The following COLEC10 variants were observed in gnomAD, a reference collection of about 807,000 sequenced individuals.
COLEC10 encodes collectin-10.
A neutral mutation model predicts 28.4 loss-of-function variants in COLEC10; 22 were observed. That is an observed-to-expected ratio of 0.78 (90% CI 0.55 to 1.11). COLEC10 has a LOEUF of 1.11. Ranked by LOEUF, COLEC10 falls within the 50% of genes least tolerant of loss-of-function variation. The probability of loss-of-function intolerance (pLI) is 0.00; values close to 1 mark genes in which losing one functional copy is unlikely to be tolerated. For missense variants in COLEC10, 361 were observed against 344.1 expected (o/e 1.05, Z -0.39); for synonymous variants, 125 against 116.1 (o/e 1.08, Z -0.49).
Position 119,091,140 on chromosome 8 carries a change from G to T in COLEC10, c.221-9G>T. ...CTTATGATAAAAAGATAACATGTTT[G>T]CTTTTCAGGAATTAAAGGAGAACTG... On this transcript the variant is annotated splice_polypyrimidine_tract_variant and intron_variant, in intron 2 of 5. Coordinates refer to ENST00000332843, the MANE Select transcript of COLEC10 (RefSeq NM_006438.5). 6.2e-7 allele frequency: 1 copy of T among 1,608,634 alleles called. No individual in the cohort carries two copies. The highest frequency in any genetic ancestry group is 8.5e-7 in the Non-Finnish European group (1 of 1,175,458).
the COLEC10 span, among the ~76,000 whole-genome samples, chr8:118,970,681 G>T: frequency 6.7e-6 from 1 of 150,078 alleles, no homozygotes; most frequent in African/African-American, 2.5e-5. Context: ...TTGTATCTCT[G>T]GGAGATCATT....
At chr8:119,055,524 A>G (rs970293661) in intron 2 of COLEC10, among the ~76,000 whole-genome samples, 4 of 152,034 alleles carry the variant, frequency 2.6e-5, no homozygotes, top group African/African-American at 9.7e-5. Flanking sequence ...CAGGAGCAAA[A>G]TTTGTGATGG....
At chr8:119,068,131 G>A (rs1440602437) in intron 1 of COLEC10, 2 of 152,274 alleles carry the variant, frequency 1.3e-5, no homozygotes, top group East Asian at 3.9e-4. Context: ...TCTGAAAGTG[G>A]TCACTGCACT....
intron 2 of COLEC10, among the ~76,000 whole-genome samples, chr8:119,027,388 A>C (rs1266616255): frequency 6.6e-6 from 1 of 152,130 alleles, no homozygotes; most frequent in Non-Finnish European, 1.5e-5. Context: ...ATATTTCCCT[A>C]GTTCAGATCC....
At chr8:118,963,379 A>G in the COLEC10 span, among the ~76,000 whole-genome samples, 7 of 152,164 alleles carry the variant, frequency 4.6e-5, no homozygotes, top group Admixed American at 3.3e-4. Context: ...TTGGTTCTTG[A>G]TTAATATTTC....
intron 2 of COLEC10, among the ~76,000 whole-genome samples, chr8:119,024,145 G>A (rs1462521278): frequency 1.3e-5 from 2 of 152,094 alleles, no homozygotes; most frequent in East Asian, 3.9e-4. Flanking sequence ...TGGTTGGGTA[G>A]GAGGTGGCAG....
intron 2 of COLEC10, among the ~76,000 whole-genome samples, chr8:119,057,738 CATT>C (rs1339033859): frequency 6.6e-6 from 1 of 152,044 alleles, no homozygotes; most frequent in Non-Finnish European, 1.5e-5. Flanking sequence ...AAATTCCCAT[CATT>C]ATATGCCTAT....
chr8:119,004,820 C>T (rs963158485), intron 1 of COLEC10, among the ~76,000 whole-genome samples: 1 of 151,780 alleles, frequency 6.6e-6, no homozygotes, highest in South Asian at 2.1e-4. Context: ...CAAACCCAGG[C>T]CATTGACTCT....
upstream of COLEC10, among the ~76,000 whole-genome samples, chr8:118,990,984 A>T (rs994491769): frequency 6.6e-6 from 1 of 152,060 alleles, no homozygotes; most frequent in Admixed American, 6.6e-5. Context: ...AAAAAACAAA[A>T]CACCATAATG....
chr8:119,028,598 A>C (rs1814235388), intron 2 of COLEC10, among the ~76,000 whole-genome samples: 1 of 152,304 alleles, frequency 6.6e-6, no homozygotes, highest in East Asian at 1.9e-4. Context: ...CCATCATTCA[A>C]TCACCTCCCC....
At chr8:118,982,793 TG>T in the COLEC10 span, 2 of 152,764 alleles carry the variant, frequency 1.3e-5, no homozygotes, top group South Asian at 4.1e-4. Context: ...TACCAGAACC[TG>T]GTCAGGATAT....
At chr8:119,047,411 AATAG>A (rs1405418175) in intron 2 of COLEC10, among the ~76,000 whole-genome samples, 2 of 152,188 alleles carry the variant, frequency 1.3e-5, no homozygotes, top group Non-Finnish European at 2.9e-5. Flanking sequence ...CTCAGTAACC[AATAG>A]TATGTTACAA....
chr8:119,053,202 G>A (rs1260261384), intron 2 of COLEC10, among the ~76,000 whole-genome samples: 1 of 152,046 alleles, frequency 6.6e-6, no homozygotes, highest in Non-Finnish European at 1.5e-5. Flanking sequence ...GTAAAAGGGG[G>A]GACTATGTTC....
At chr8:119,050,981 G>C (rs1467059657) in intron 2 of COLEC10, among the ~76,000 whole-genome samples, 1 of 152,082 alleles carries the variant, frequency 6.6e-6, no homozygotes, top group Admixed American at 6.6e-5. Flanking sequence ...GGATGTACTA[G>C]AGCAAAAGAG....
chr8:119,045,619 C>T (rs1814573281), intron 2 of COLEC10, among the ~76,000 whole-genome samples: 1 of 152,174 alleles, frequency 6.6e-6, no homozygotes, highest in Non-Finnish European at 1.5e-5. Context: ...ATTCTTTCTG[C>T]ACACATAACA....
Position 119,089,697 on chromosome 8 carries a change from G to C in COLEC10, c.166G>C (p.Gly56Arg). Residue 56 changes from glycine to arginine, a missense_variant, in exon 2 of 6, where the codon GGA becomes CGA. By Grantham distance (125) the Gly-to-Arg change is moderately radical. Around this residue, in one of 3 missense-constraint regions of COLEC10, gnomAD observed 335 missense variants for 308.5 expected, o/e 1.09. Transcript: ENST00000332843. ...PGPKGDDGEK[G>R]DPGEEGKHGK... Reference sequence around the variant, plus strand: ...TTCAAAAGGAGATGATGGTGAAAAAGGAGATCCAGGAGAAGAGGGAAAGCA... The same window carrying C: ...TTCAAAAGGAGATGATGGTGAAAAACGAGATCCAGGAGAAGAGGGAAAGCA... 1 of 1,613,532 alleles carries C rather than the reference G, an allele frequency of 6.2e-7. No individual in the cohort carries two copies. The highest frequency in any genetic ancestry group is 2.2e-5 in the East Asian group (1 of 44,826).
intron 2 of COLEC10, among the ~76,000 whole-genome samples, chr8:119,022,858 T>G (rs150948678): frequency 6.6e-6 from 1 of 152,216 alleles, no homozygotes; most frequent in African/African-American, 2.4e-5. Context: ...ATCTTGAAAA[T>G]CTGCCCAAGG....
intron 1 of COLEC10, among the ~76,000 whole-genome samples, chr8:119,005,920 C>T (rs6469797): frequency 0.57 from 86,685 of 151,874 alleles, 25,215 homozygotes; most frequent in Middle Eastern, 0.69. Context: ...ACAAGGATTC[C>T]TATTCATATA....
At chr8:119,070,578 CT>C (rs71296907) in intron 1 of COLEC10, among the ~76,000 whole-genome samples, 1 of 103,038 alleles carries the variant, frequency 9.7e-6, no homozygotes, top group African/African-American at 4.1e-5. Flanking sequence ...CCCCCCACCC[CT>C]TCTCTCTCTC....
Sources: allele counts gnomAD v4.1 joint callset (sites outside exome capture counted in the v4.1 genomes callset), GRCh38; gene constraint gnomAD v4.1.1; regional missense constraint gnomAD v4.1.1; transcripts MANE v1.5; gene names NCBI Gene and HGNC (gene_info 2026-07-23, HGNC 2026-07-21).